UTRN: variants seen among roughly 807,000 people sequenced by gnomAD.
The protein encoded by UTRN is dystrophin-related protein 1.
Under a neutral mutation model 463.9 loss-of-function variants are expected in UTRN, and 283 were observed. That is an observed-to-expected ratio of 0.61 (90% CI 0.55 to 0.67). The LOEUF (loss-of-function observed/expected upper bound fraction) is 0.67, where lower values mean the gene tolerates loss of function less well. Ranked by LOEUF, UTRN falls within the 30% of genes least tolerant of loss-of-function variation. The pLI is 0.00. For missense variants in UTRN, 3,922 were observed against 4,084.3 expected (o/e 0.96, Z 1.08); for synonymous variants, 1,442 against 1,431.5 (o/e 1.01, Z -0.17).
At position 144,491,114 on chromosome 6, in the gene UTRN, G is replaced by T. The variant is rs200587367; in HGVS notation, c.4437+12G>T. The T allele has an allele frequency of 6.3e-7, 1 of 1,586,182 alleles. No homozygotes were observed. The highest frequency in any genetic ancestry group is 1.8e-5 in the Admixed American group (1 of 56,086). On this transcript the variant is annotated intron_variant, in intron 32 of 74. Coordinates refer to ENST00000367545, the MANE Select transcript of UTRN (RefSeq NM_007124.3). The stretch of plus-strand genomic sequence containing the variant: ...TGGACAAGTGTATGGTGAGGCTTTT[G>T]GGTGATTGGCACATCCAGTGGCTTT...
At chr6:144,701,929 A>T (rs975645591) in intron 53 of UTRN, among the ~76,000 whole-genome samples, 13 of 152,178 alleles carry the variant, frequency 8.5e-5, no homozygotes, top group Non-Finnish European at 1.6e-4. Context: ...AACACTGTTG[A>T]TGTATGATAT....
At chr6:144,462,935 C>A in intron 23 of UTRN, 69 bp downstream of exon 23, 1 of 1,208,444 alleles carries the variant, frequency 8.3e-7, no homozygotes, top group Non-Finnish European at 1.2e-6. Flanking sequence ...ATAAGATTCA[C>A]GTATTTATTA....
intron 34 of UTRN, among the ~76,000 whole-genome samples, chr6:144,509,093 T>A (rs1329560680): frequency 2.0e-5 from 3 of 152,186 alleles, no homozygotes; most frequent in Non-Finnish European, 4.4e-5. Context: ...AATTTTGATT[T>A]GAATTGCCTT....
rs1269763147 is a variant in UTRN at position 144,436,074 on chromosome 6, T to G, written c.995T>G (p.Phe332Cys). The G allele has an allele frequency of 6.2e-7, 1 of 1,614,196 alleles. No homozygotes were observed. The highest frequency in any genetic ancestry group is 1.3e-5 in the African/African-American group (1 of 75,052). ...TGGTTGCTTTCTGCTGAGGACACTTTCCAGGAGCAGGATGATATTTCTGAT... is the reference window on the plus strand; with the variant it reads ...TGGTTGCTTTCTGCTGAGGACACTTGCCAGGAGCAGGATGATATTTCTGAT... ...LTWLLSAEDT[F>C]QEQDDISDDV... is the part of the protein sequence containing the mutation. Residue 332 changes from phenylalanine to cysteine, a missense_variant, in exon 10 of 75, where the codon TTC becomes TGC. Transcript: ENST00000367545.
At chr6:144,829,671 C>T (rs1207638434) in intron 69 of UTRN, among the ~76,000 whole-genome samples, 1 of 145,982 alleles carries the variant, frequency 6.9e-6, no homozygotes, top group East Asian at 2.0e-4. Context: ...GTAAAGTAGA[C>T]AGAAAAGTTG....
At chr6:144,567,110 G>T (rs529978475) in intron 50 of UTRN, among the ~76,000 whole-genome samples, 1 of 152,266 alleles carries the variant, frequency 6.6e-6, no homozygotes, top group Admixed American at 6.5e-5. Flanking sequence ...TCACACCACT[G>T]CACTCCAGCC....
At chr6:144,729,733 T>C (rs997996996) in intron 53 of UTRN, among the ~76,000 whole-genome samples, 4 of 152,220 alleles carry the variant, frequency 2.6e-5, no homozygotes, top group African/African-American at 9.6e-5. Context: ...ATTCTGAGAA[T>C]CATAGATTTG....
At chr6:144,447,828 A>G in intron 16 of UTRN, 47 bp downstream of exon 16, 1 of 1,528,080 alleles carries the variant, frequency 6.5e-7, no homozygotes, top group Admixed American at 2.2e-5. Context: ...GTAAACATTT[A>G]AAATTTAAAT....
intron 2 of UTRN, among the ~76,000 whole-genome samples, chr6:144,324,941 A>G (rs1161662293): frequency 6.6e-6 from 1 of 152,092 alleles, no homozygotes; most frequent in Non-Finnish European, 1.5e-5. Flanking sequence ...GAAGCTGAAA[A>G]CTGAGAGTTT....
intron 51 of UTRN, among the ~76,000 whole-genome samples, chr6:144,597,241 A>C (rs1027065731): frequency 8.6e-5 from 13 of 152,012 alleles, no homozygotes; most frequent in Non-Finnish European, 1.5e-5. Flanking sequence ...GTCTCAAAAA[A>C]AAAAAAAAAA....
At position 144,513,910 on chromosome 6, in the gene UTRN, A is replaced by G; in HGVS notation, c.4946A>G (p.Asn1649Ser). The G allele has an allele frequency of 1.2e-6, 2 of 1,613,046 alleles. No individual in the cohort carries two copies. The highest frequency in any genetic ancestry group is 1.7e-6 in the Non-Finnish European group (2 of 1,179,650). ...AGCATTTTATTAATTCCTTTGTAGA[A>G]CCATCAGAACCAGCTAGAAATATTT... is the stretch of plus-strand genomic sequence containing the variant. Reference protein sequence around the residue: ...WTEDWCNTLMNHQNQLEIFDG... With the variant: ...WTEDWCNTLMSHQNQLEIFDG... The change falls in exon 36 of 75, where the codon AAC (asparagine) becomes AGC (serine). Residue 1649 changes from asparagine to serine, a missense_variant and splice_region_variant. Asn to Ser is a conservative substitution (Grantham distance 46). Coordinates refer to ENST00000367545, the MANE Select transcript of UTRN (RefSeq NM_007124.3).
intron 2 of UTRN, among the ~76,000 whole-genome samples, chr6:144,338,713 C>T (rs186540707): frequency 2.4e-4 from 36 of 152,158 alleles, no homozygotes; most frequent in African/African-American, 8.0e-4. Flanking sequence ...TGCCAGGAGA[C>T]CAGGTAGAAG....
At position 144,548,666 on chromosome 6, in the gene UTRN, C is replaced by A; in HGVS notation, c.6622C>A (p.Leu2208Ile). 6.2e-7 allele frequency: 1 copy of A among 1,613,884 alleles called. No individual in the cohort carries two copies. The highest frequency in any genetic ancestry group is 8.5e-7 in the Non-Finnish European group (1 of 1,179,884). ...TCATCCTAATGTCCAAAAGGTGGTG[C>A]TAGTATCATCTGCGTCAGATATTCC... ...AAHPNVQKVV[L>I]VSSASDIPVQ... Residue 2208 changes from leucine to isoleucine, a missense_variant, in exon 47 of 75, where the codon CTA (leucine) becomes ATA (isoleucine). By Grantham distance (5) the Leu-to-Ile change is conservative (BLOSUM62 2). Around this residue, in one of 3 missense-constraint regions of UTRN, gnomAD observed 2,349 missense variants for 2,303.8 expected, o/e 1.02. Transcript: ENST00000367545.
chr6:144,383,039 C>T (rs1306769126), intron 2 of UTRN, among the ~76,000 whole-genome samples: 3 of 151,926 alleles, frequency 2.0e-5, no homozygotes, highest in Admixed American at 6.6e-5. Context: ...TCAAGTGATC[C>T]TCCCACCCCA....
At chr6:144,774,413 T>C in intron 60 of UTRN, 49 bp downstream of exon 60, 1 of 1,526,970 alleles carries the variant, frequency 6.5e-7, no homozygotes, top group Non-Finnish European at 8.8e-7. Flanking sequence ...AATTGCGTTT[T>C]TTTTTTTTCC....
intron 12 of UTRN, 24 bp downstream of exon 12, chr6:144,438,919 G>A (rs559849174): frequency 2.0e-5 from 32 of 1,611,022 alleles, no homozygotes; most frequent in South Asian, 3.3e-5. Flanking sequence ...ATATTTCTTC[G>A]ATACCTTATC....
chr6:144,716,522 T>C (rs1302528166), intron 53 of UTRN, among the ~76,000 whole-genome samples: 1 of 152,204 alleles, frequency 6.6e-6, no homozygotes, highest in African/African-American at 2.4e-5. Context: ...CATTTGTAAT[T>C]CTTCATAATG....
At chr6:144,818,689 A>G (rs1238014914) in intron 65 of UTRN, among the ~76,000 whole-genome samples, 1 of 152,216 alleles carries the variant, frequency 6.6e-6, no homozygotes, top group East Asian at 1.9e-4. Flanking sequence ...ATGCATTTCT[A>G]TTATGGAAAC....
At chr6:144,436,860 TAAATATATATAAATA>T (rs1463187019) in intron 10 of UTRN, among the ~76,000 whole-genome samples, 4 of 142,990 alleles carry the variant, frequency 2.8e-5, no homozygotes, top group Non-Finnish European at 6.1e-5. Flanking sequence ...AATATATAAA[TAAATATATATAAATA>T]AAATATATAA....
Sources: gnomAD v4.1 joint callset for allele counts (sites outside exome capture counted in the v4.1 genomes callset) on GRCh38, gnomAD v4.1.1 for gene constraint, gnomAD v4.1.1 regional missense constraint, MANE v1.5 for transcripts, NCBI Gene and HGNC (gene_info 2026-07-23, HGNC 2026-07-21) for gene names.